ROCK1: variants seen among roughly 807,000 people sequenced by gnomAD.
The protein encoded by ROCK1 is rho-associated protein kinase 1.
A neutral mutation model predicts 196.8 loss-of-function variants in ROCK1; 36 were observed. The ratio of observed to expected loss-of-function variants is 0.18; its 90% CI spans 0.14 to 0.24. The LOEUF is 0.24. Ranked by LOEUF, ROCK1 falls within the 10% of genes least tolerant of loss-of-function variation. The pLI is 1.00. For synonymous variants in ROCK1, 443 were observed against 515.9 expected (o/e 0.86, Z 1.91); for missense variants, 920 against 1,562.0 (o/e 0.59, Z 6.93).
rs142815608 is a variant in ROCK1, at chr18:21,081,392, T to C, written c.94-10779A>G. Reference sequence around the variant, plus strand: ...AAAGGAGGAAATTTATAGCTATAAATGCTTACATTTTAAAAAGAAAAAAAG... The same window carrying C: ...AAAGGAGGAAATTTATAGCTATAAACGCTTACATTTTAAAAAGAAAAAAAG... On this transcript the variant is annotated intron_variant, in intron 1 of 32. Coordinates refer to ENST00000399799, the MANE Select transcript of ROCK1 (RefSeq NM_005406.3). Among the ~76,000 whole-genome samples the C allele has an allele frequency of 1.8e-4, 27 of 152,184 alleles. No individual in the cohort carries two copies. The East Asian group carries it at 3.1e-3, about 17-fold the overall frequency.
At chr18:21,045,258 C>A in intron 5 of ROCK1, 34 bp downstream of exon 5, 3 of 1,534,196 alleles carry the variant, frequency 2.0e-6, no homozygotes, top group Non-Finnish European at 2.6e-6. Flanking sequence ...TTTCCCTCAA[C>A]AAATGAGAAA....
intron 9 of ROCK1, among the ~76,000 whole-genome samples, chr18:21,038,553 G>A (rs1476605076): frequency 6.6e-6 from 1 of 152,078 alleles, no homozygotes. Context: ...TATTTCATCA[G>A]AATTAACAAG....
chr18:20,993,410 C>G (rs2035644061), intron 16 of ROCK1, among the ~76,000 whole-genome samples: 1 of 152,136 alleles, frequency 6.6e-6, no homozygotes, highest in African/African-American at 2.4e-5. Flanking sequence ...ACCTTGTTAG[C>G]CAGGATGGTC....
chr18:20,982,005 A>G (rs1440111677), intron 21 of ROCK1, among the ~76,000 whole-genome samples: 1 of 152,234 alleles, frequency 6.6e-6, no homozygotes, highest in African/African-American at 2.4e-5. Context: ...CAAGCAATGG[A>G]ATAAATCAGA....
At chr18:21,100,939 G>A (rs1412322336) in intron 1 of ROCK1, among the ~76,000 whole-genome samples, 1 of 152,140 alleles carries the variant, frequency 6.6e-6, no homozygotes, top group Non-Finnish European at 1.5e-5. Flanking sequence ...ACAGAGCACT[G>A]TACCATCCCT....
At chr18:21,027,615 GTAT>G (rs1391469223) in intron 10 of ROCK1, among the ~76,000 whole-genome samples, 1 of 151,994 alleles carries the variant, frequency 6.6e-6, no homozygotes, top group African/African-American at 2.4e-5. Context: ...TAGGCAAGCA[GTAT>G]TATTGTTATT....
rs1472093294 is a variant in ROCK1, at chr18:20,947,219, T to C, written c.*4165A>G. 2 of 152,008 alleles carry C rather than the reference T, an allele frequency of 1.3e-5. No homozygotes were observed. The highest frequency in any genetic ancestry group is 2.9e-5 in the Non-Finnish European group (2 of 68,004). 9.4% of individuals were successfully genotyped at this position (152,008 alleles called of 1,614,324 possible). A position where few individuals can be genotyped will look rare whatever the true frequency, so the allele number is the denominator to read the frequency against. On this transcript the variant is annotated 3_prime_UTR_variant, in exon 33 of 33. Transcript: ENST00000399799. Reference sequence around the variant, plus strand: ...AGTGGAATTAATGTTATTCTTTTCCTACCTCACAAAAATCTGAGTTACATA... The same window carrying C: ...AGTGGAATTAATGTTATTCTTTTCCCACCTCACAAAAATCTGAGTTACATA...
intron 9 of ROCK1, among the ~76,000 whole-genome samples, chr18:21,034,383 C>T (rs1050716359): frequency 3.3e-5 from 5 of 152,070 alleles, no homozygotes; most frequent in Non-Finnish European, 7.4e-5. Context: ...CTCACATTTC[C>T]TGATTTCAAA....
intron 1 of ROCK1, among the ~76,000 whole-genome samples, chr18:21,099,569 C>T (rs894636873): frequency 3.9e-5 from 6 of 152,092 alleles, no homozygotes; most frequent in East Asian, 3.9e-4. Flanking sequence ...CACAGCGAGA[C>T]TCCATCTCTA....
chr18:21,003,339 T>A (rs2035742359), intron 16 of ROCK1, among the ~76,000 whole-genome samples: 1 of 152,144 alleles, frequency 6.6e-6, no homozygotes, highest in Non-Finnish European at 1.5e-5. Flanking sequence ...GACGTATTAA[T>A]GAAATGCAAT....
At chr18:21,110,480 C>G (rs1172273119) in intron 1 of ROCK1, among the ~76,000 whole-genome samples, 1 of 152,186 alleles carries the variant, frequency 6.6e-6, no homozygotes, top group Non-Finnish European at 1.5e-5. Context: ...ACATTAATTA[C>G]TACGATCGCC....
chr18:21,047,470 T>C lies in ROCK1; in HGVS notation c.414+1622A>G, dbSNP rs1279502756. The stretch of plus-strand genomic sequence containing the variant: ...GCCTGAGAAACTCTGATCTACATAG[T>C]TGGTAAAAACATAGACATTTCAAGT... On this transcript the variant is annotated intron_variant, in intron 4 of 32. Transcript: ENST00000399799. Among the ~76,000 whole-genome samples the C allele has an allele frequency of 3.9e-5, 6 of 152,120 alleles. No individual in the cohort carries two copies. In the East Asian group the frequency reaches 5.8e-4, roughly 15 times the overall value.
chr18:21,088,748 G>A (rs1007452376), intron 1 of ROCK1, among the ~76,000 whole-genome samples: 1 of 152,074 alleles, frequency 6.6e-6, no homozygotes, highest in Non-Finnish European at 1.5e-5. Flanking sequence ...GGTTTGATTA[G>A]GGAGTTTGGA....
At chr18:21,046,912 T>TTCC (rs757159011) in intron 4 of ROCK1, among the ~76,000 whole-genome samples, 1 of 152,134 alleles carries the variant, frequency 6.6e-6, no homozygotes, top group Non-Finnish European at 1.5e-5. Flanking sequence ...TCAAGTGATC[T>TTCC]TCCTGTCTCA....
intron 29 of ROCK1, among the ~76,000 whole-genome samples, chr18:20,956,871 T>G (rs1598506006): frequency 6.6e-6 from 1 of 151,974 alleles, no homozygotes; most frequent in South Asian, 2.1e-4. Flanking sequence ...GGCAAAAGAC[T>G]TGAAAAAAGA....
At chr18:21,086,501 G>GA (rs2036529391) in intron 1 of ROCK1, among the ~76,000 whole-genome samples, 2 of 152,152 alleles carry the variant, frequency 1.3e-5, no homozygotes. Context: ...TCATGGAAAA[G>GA]AAAATGAAGA....
chr18:20,988,268 A>G (rs2035594013), intron 18 of ROCK1, among the ~76,000 whole-genome samples: 1 of 151,946 alleles, frequency 6.6e-6, no homozygotes, highest in Non-Finnish European at 1.5e-5. Context: ...GGGTTTCACC[A>G]TGTTGCCCAG....
At chr18:21,035,741 T>C (rs1314760764) in intron 9 of ROCK1, among the ~76,000 whole-genome samples, 1 of 152,182 alleles carries the variant, frequency 6.6e-6, no homozygotes, top group African/African-American at 2.4e-5. Flanking sequence ...AGTATATCCA[T>C]ACAATGGAAT....
At chr18:21,002,977 A>C (rs1200443344) in intron 16 of ROCK1, among the ~76,000 whole-genome samples, 1 of 152,060 alleles carries the variant, frequency 6.6e-6, no homozygotes, top group Admixed American at 6.6e-5. Flanking sequence ...TGGGCTCAAG[A>C]GATCCACCCA....
Sources: allele counts gnomAD v4.1 joint callset (sites outside exome capture counted in the v4.1 genomes callset), GRCh38; gene constraint gnomAD v4.1.1; transcripts MANE v1.5; gene names NCBI Gene and HGNC (gene_info 2026-07-23, HGNC 2026-07-21).